C9orf72: variants seen among roughly 807,000 people sequenced by gnomAD.
C9orf72 encodes the protein guanine nucleotide exchange factor C9orf72.
In C9orf72, 44 loss-of-function variants were observed where a neutral mutation model predicts 51.6. That is an observed-to-expected ratio of 0.85 (90% confidence interval 0.67 to 1.10). The LOEUF (loss-of-function observed/expected upper bound fraction) is 1.10, where lower values mean the gene tolerates loss of function less well. Among genes scored for constraint, C9orf72 ranks in the 50% least tolerant of loss-of-function variants. C9orf72 has a pLI of 0.00. For missense variants in C9orf72, 607 were observed against 570.6 expected, an observed-to-expected ratio of 1.06 and a Z score of -0.65; for synonymous variants, 213 against 194.2, an observed-to-expected ratio of 1.10 and a Z score of -0.81.
chr9:27,558,299 G>A (rs946199419), intron 7 of C9orf72, among the ~76,000 whole-genome samples, 192 bp downstream of exon 7: 3 of 151,376 alleles, frequency 2.0e-5, no homozygotes, highest in Non-Finnish European at 4.4e-5. Flanking sequence ...GGTATTCTAT[G>A]GTGTTTCACT....
At chr9:27,557,815 A>AT (rs1206714783) in intron 7 of C9orf72, among the ~76,000 whole-genome samples, 19 of 151,882 alleles carry the variant, frequency 1.3e-4, no homozygotes, top group Admixed American at 6.6e-4. Context: ...CAATTTTTAA[A>AT]TTTTTTTATT....
At chr9:27,563,067 AT>A (rs1189497812) in intron 3 of C9orf72, among the ~76,000 whole-genome samples, 5 of 152,088 alleles carry the variant, frequency 3.3e-5, no homozygotes, top group Non-Finnish European at 7.4e-5. Context: ...TATATTTCAT[AT>A]TTAAAAATGA....
Position 27,558,502 on chromosome 9 carries a change from C to G in C9orf72, c.844G>C (p.Gly282Arg). Residue 282 changes from glycine to arginine, a missense_variant, in exon 7 of 11, where the codon GGC (glycine) becomes CGC (arginine). Transcript: ENST00000380003. The part of the protein sequence containing the change: ...FKYESGLFVQ[G>R]LLKDSTGSFV... ...ACTAGAAACTATACCTTTAGCAGGC[C>G]TTGTACAAAGAGCCCTGACTCATAT... is the stretch of plus-strand genomic sequence containing the variant. The G allele has an allele frequency of 6.4e-7, 1 of 1,572,042 alleles. No homozygotes were observed. The highest frequency in any genetic ancestry group is 8.7e-7 in the Non-Finnish European group (1 of 1,152,086).
In C9orf72 at chr9:27,558,577, G is replaced by C; in HGVS notation, c.769C>G (p.Pro257Ala). 1 of 1,604,552 alleles carries C rather than the reference G, an allele frequency of 6.2e-7. No homozygotes were observed. Among genetic ancestry groups the C allele is most frequent in the Non-Finnish European group, 8.5e-7 (1 of 1,175,698 alleles). Residue 257 changes from proline (P) to alanine (A), a missense_variant, in exon 7 of 11, where the codon CCA (proline) becomes GCA (alanine). Coordinates refer to ENST00000380003, the MANE Select transcript of C9orf72 (RefSeq NM_018325.5). ...AACCTGGAGCATTTTCTCTCTGCTG[G>C]AGTCAGAAAAAGGCATAATGTTCTG... ...IVRTLCLFLT[P>A]AERKCSRLCE...
chr9:27,557,449 T>C (rs1418599072), intron 7 of C9orf72, among the ~76,000 whole-genome samples: 1 of 152,142 alleles, frequency 6.6e-6, no homozygotes, highest in African/African-American at 2.4e-5. Flanking sequence ...GCTGTGATAA[T>C]CATCTTTGTA....
At chr9:27,561,735 C>A in intron 4 of C9orf72, 86 bp from the exon 5 acceptor site, 1 of 829,104 alleles carries the variant, frequency 1.2e-6, no homozygotes, top group South Asian at 1.6e-5. Flanking sequence ...TTTCGGAAGT[C>A]TGGATTCAAT....
chr9:27,555,665 A>T (rs1371629243), intron 8 of C9orf72, among the ~76,000 whole-genome samples: 2 of 151,090 alleles, frequency 1.3e-5, no homozygotes, highest in East Asian at 1.9e-4. Context: ...GGCTCAAAAG[A>T]TCCTCCTGCC....
At chr9:27,566,588 T>A in intron 2 of C9orf72, 89 bp downstream of exon 2, 1 of 893,878 alleles carries the variant, frequency 1.1e-6, no homozygotes, top group East Asian at 2.6e-5. Context: ...GTTCACTGCA[T>A]ATAATTAAAA....
chr9:27,567,226 C>T, intron 1 of C9orf72, 62 bp from the exon 2 acceptor site: 3 of 960,546 alleles, frequency 3.1e-6, no homozygotes, highest in Admixed American at 2.5e-5. Flanking sequence ...CCATCAAAAC[C>T]CCAAATGATT....
chr9:27,573,129 C>G (rs941238140), intron 1 of C9orf72, among the ~76,000 whole-genome samples: 1 of 152,130 alleles, frequency 6.6e-6, no homozygotes, highest in African/African-American at 2.4e-5. Flanking sequence ...GCGCTCCCAG[C>G]GGGTCCCCGG....
Position 27,573,436 on chromosome 9 carries a change from C to G in C9orf72, c.-50G>C, listed in dbSNP as rs974012892. 4 of 150,976 alleles carry G rather than the reference C, an allele frequency of 2.6e-5. No homozygotes were observed. The highest frequency in any genetic ancestry group is 6.6e-5 in the Admixed American group (1 of 15,058). The allele number at this position is 150,976 out of a possible 1,614,324, so 9.4% of individuals were successfully genotyped here. Reference sequence around the variant, plus strand: ...GATGCCGCCTCCTCACTCACCCACTCGCCACCGCCTGCGCCTCCGCCGCCG... The same window carrying G: ...GATGCCGCCTCCTCACTCACCCACTGGCCACCGCCTGCGCCTCCGCCGCCG... On this transcript the variant is annotated 5_prime_UTR_variant, in exon 1 of 11. Transcript: ENST00000380003.
At chr9:27,563,772 C>A (rs994695359) in intron 3 of C9orf72, among the ~76,000 whole-genome samples, 8 of 152,146 alleles carry the variant, frequency 5.3e-5, no homozygotes, top group African/African-American at 1.9e-4. Context: ...CCTTTAGTAA[C>A]CTCCACAACT....
At chr9:27,571,289 G>A (rs1819581023) in intron 1 of C9orf72, 1 of 152,196 alleles carries the variant, frequency 6.6e-6, no homozygotes, top group Non-Finnish European at 1.5e-5. Context: ...ATGCAGACAT[G>A]ATTACATTAA....
intron 3 of C9orf72, among the ~76,000 whole-genome samples, chr9:27,564,669 A>T (rs937607061): frequency 6.6e-6 from 1 of 151,782 alleles, no homozygotes; most frequent in Non-Finnish European, 1.5e-5. Context: ...ATGGCCATGT[A>T]TTTTCACAAG....
intron 1 of C9orf72, among the ~76,000 whole-genome samples, chr9:27,570,969 T>C (rs1376526946): frequency 6.6e-6 from 1 of 152,090 alleles, no homozygotes; most frequent in Non-Finnish European, 1.5e-5. Context: ...CCAAAAGAAA[T>C]AGCCTGGGAA....
At chr9:27,566,608 T>G in intron 2 of C9orf72, 69 bp downstream of exon 2, 1 of 1,105,232 alleles carries the variant, frequency 9.0e-7, no homozygotes, top group Non-Finnish European at 1.3e-6. Flanking sequence ...AAAATAAGAT[T>G]TATATGTACC....
chr9:27,560,519 T>C, intron 5 of C9orf72: 3 of 700,546 alleles, frequency 4.3e-6, no homozygotes, highest in Non-Finnish European at 4.0e-6. Flanking sequence ...ACAGCCCAAT[T>C]AGTCAGTATA....
rs75289857 is a variant in C9orf72 at position 27,551,669 on chromosome 9, C to T, written c.1092-962G>A. On this transcript the variant is annotated intron_variant, in intron 8 of 10. Coordinates refer to ENST00000380003, the MANE Select transcript of C9orf72 (RefSeq NM_018325.5). ...GTAAAGGGGAAAAATATTAGCATTT[C>T]GTCATTATTGACTGGGCACTGATAG... 9.3e-3 allele frequency among the ~76,000 whole-genome samples: 1,424 copies of T among 152,318 alleles called. 27 individuals are homozygous for T. The highest frequency in any genetic ancestry group is 0.032 in the African/African-American group (1,330 of 41,562).
chr9:27,572,001 C>T (rs1304645806), intron 1 of C9orf72, among the ~76,000 whole-genome samples: 1 of 152,204 alleles, frequency 6.6e-6, no homozygotes, highest in African/African-American at 2.4e-5. Context: ...GGTAGGCTAA[C>T]CTAGTCCTCC....
Sources: allele counts gnomAD v4.1 joint callset (sites outside exome capture counted in the v4.1 genomes callset), GRCh38; gene constraint gnomAD v4.1.1; transcripts MANE v1.5; gene names NCBI Gene and HGNC (gene_info 2026-07-23, HGNC 2026-07-21).